Variants in DIAPH2 observed in about 807,000 individuals in gnomAD.
The protein encoded by DIAPH2 is diaphanous related formin 2.
DIAPH2 carries 35 observed loss-of-function variants against 92.7 expected under a neutral mutation model. That is an observed-to-expected ratio of 0.38 (90% CI 0.29 to 0.50). The LOEUF is 0.50. Ranked by LOEUF, DIAPH2 falls within the 20% of genes least tolerant of loss-of-function variation. DIAPH2 has a pLI of 0.94. For synonymous variants in DIAPH2, 301 were observed against 280.4 expected (o/e 1.07, Z -0.73); for missense variants, 701 against 819.5 (o/e 0.86, Z 1.77).
chrX:97,260,438 G>A (rs779816185), intron 23 of DIAPH2, among the ~76,000 whole-genome samples: 16 of 112,256 alleles, frequency 1.4e-4, no homozygotes, highest in South Asian at 3.7e-4. Flanking sequence ...TGAAAGATGA[G>A]TAAGAATTAA....
At chrX:96,770,267 C>T (rs190923268) in intron 4 of DIAPH2, among the ~76,000 whole-genome samples, 1 of 110,426 alleles carries the variant, frequency 9.1e-6, no homozygotes, top group East Asian at 2.8e-4. Context: ...CTATGTATTA[C>T]TTACTATAAG....
intron 25 of DIAPH2, among the ~76,000 whole-genome samples, chrX:97,415,401 C>G (rs1480346993): frequency 8.9e-6 from 1 of 111,878 alleles, no homozygotes; most frequent in Non-Finnish European, 1.9e-5. Context: ...GACACATGCA[C>G]ACGTTTGTTT....
intron 22 of DIAPH2, among the ~76,000 whole-genome samples, chrX:97,167,200 G>A (rs2147447501): frequency 9.4e-6 from 1 of 106,729 alleles, no homozygotes; most frequent in Admixed American, 1.0e-4. Flanking sequence ...ATGCAAATAT[G>A]CAAGAGTTTC....
At chrX:96,763,635 G>C (rs759243379) in intron 4 of DIAPH2, among the ~76,000 whole-genome samples, 16 of 111,461 alleles carry the variant, frequency 1.4e-4, no homozygotes, top group Non-Finnish European at 2.8e-4. Flanking sequence ...TTTCTCTGGG[G>C]CTCAATTATT....
At chrX:96,753,437 CA>C (rs1209902126) in intron 3 of DIAPH2, among the ~76,000 whole-genome samples, 1 of 111,618 alleles carries the variant, frequency 9.0e-6, no homozygotes, top group Non-Finnish European at 1.9e-5. Flanking sequence ...TGTTAAACCA[CA>C]GAGTATTTGA....
intron 5 of DIAPH2, among the ~76,000 whole-genome samples, chrX:96,888,570 GATA>G (rs2065282323): frequency 2.5e-5 from 1 of 39,563 alleles, no homozygotes; most frequent in Non-Finnish European, 3.9e-5. Flanking sequence ...TATATACACA[GATA>G]TATATATCTA....
chrX:97,485,592 T>G (rs1487996936), intron 26 of DIAPH2, among the ~76,000 whole-genome samples: 1 of 113,218 alleles, frequency 8.8e-6, no homozygotes, highest in Admixed American at 9.3e-5. Context: ...TTCATTGTTG[T>G]GCCTTGCTGA....
intron 26 of DIAPH2, among the ~76,000 whole-genome samples, chrX:97,518,508 A>ATG (rs776992401): frequency 9.1e-6 from 1 of 109,333 alleles, no homozygotes; most frequent in East Asian, 2.9e-4. Flanking sequence ...ATGTGTGTGT[A>ATG]TGTGTGTATA....
chrX:96,856,735 A>G (rs973909600), intron 4 of DIAPH2, among the ~76,000 whole-genome samples: 5 of 110,607 alleles, frequency 4.5e-5, no homozygotes, highest in African/African-American at 6.6e-5. Flanking sequence ...AGGAAACCCA[A>G]GAAAAAAAAA....
intron 25 of DIAPH2, among the ~76,000 whole-genome samples, chrX:97,394,634 A>G (rs1016792008): frequency 8.9e-6 from 1 of 111,877 alleles, no homozygotes; most frequent in South Asian, 3.8e-4. Flanking sequence ...TGACTTTGTT[A>G]TTTTAATGAA....
At chrX:97,193,118 T>G (rs1251471906) in intron 22 of DIAPH2, among the ~76,000 whole-genome samples, 2 of 105,722 alleles carry the variant, frequency 1.9e-5, no homozygotes, top group African/African-American at 7.0e-5. Flanking sequence ...GCTCAAGCGA[T>G]TCTCCCACCT....
chrX:96,685,919 C>T (rs2080350864), intron 1 of DIAPH2, among the ~76,000 whole-genome samples: 1 of 112,093 alleles, frequency 8.9e-6, no homozygotes, highest in South Asian at 3.7e-4. Flanking sequence ...TCTCACCGTG[C>T]TGATAGTGTG....
chrX:96,689,578 C>T (rs1393598587), intron 1 of DIAPH2, among the ~76,000 whole-genome samples: 1 of 109,995 alleles, frequency 9.1e-6, no homozygotes, highest in Non-Finnish European at 1.9e-5. Flanking sequence ...CTTGCCTCTC[C>T]TTAGTACCAC....
At chrX:96,733,093 A>G (rs1256804457) in intron 1 of DIAPH2, among the ~76,000 whole-genome samples, 1 of 111,939 alleles carries the variant, frequency 8.9e-6, no homozygotes, top group African/African-American at 3.2e-5. Context: ...TTGAGCCTCA[A>G]TGTGCCAAAC....
intron 26 of DIAPH2, among the ~76,000 whole-genome samples, chrX:97,479,335 C>T (rs1308442592): frequency 9.0e-6 from 1 of 111,523 alleles, no homozygotes; most frequent in Non-Finnish European, 1.9e-5. Context: ...TTGAGTTAAG[C>T]CCATGCCCCA....
intron 25 of DIAPH2, among the ~76,000 whole-genome samples, chrX:97,422,008 T>C (rs73552480): frequency 0.02 from 2,209 of 111,902 alleles, 60 homozygotes; most frequent in African/African-American, 0.068. Flanking sequence ...AATTATGTGA[T>C]ATAAATAGAC....
intron 24 of DIAPH2, among the ~76,000 whole-genome samples, chrX:97,366,848 TC>T (rs1451241223): frequency 8.9e-6 from 1 of 111,769 alleles, no homozygotes; most frequent in Admixed American, 9.5e-5. Flanking sequence ...ATTTAAAATT[TC>T]TTAAGTATAT....
At chrX:96,922,543 C>T (rs2065552876) in intron 9 of DIAPH2, among the ~76,000 whole-genome samples, 1 of 111,517 alleles carries the variant, frequency 9.0e-6, no homozygotes, top group South Asian at 3.7e-4. Context: ...CCAGACAATA[C>T]CCTACACTAT....
chrX:96,957,747 C>T lies in DIAPH2; in HGVS notation c.1615-81C>T, dbSNP rs905042714. ...CTTAAAACATAAGATAAATAAACTA[C>T]AAATATCTATTGATATATATTTCTT... is the stretch of plus-strand genomic sequence containing the variant. On this transcript the variant is annotated intron_variant, in intron 15 of 26. Transcript: ENST00000324765. The T allele has an allele frequency of 1.4e-5, 10 of 693,818 alleles. No homozygotes were observed. In the Admixed American group the frequency reaches 1.5e-4, roughly 10 times the overall value. The allele number at this position is 693,818 out of a possible 1,213,427, so 57.2% of individuals were successfully genotyped here.
Sources: gnomAD v4.1 joint callset for allele counts (sites outside exome capture counted in the v4.1 genomes callset) on GRCh38, gnomAD v4.1.1 for gene constraint, MANE v1.5 for transcripts, NCBI Gene and HGNC (gene_info 2026-07-23, HGNC 2026-07-21) for gene names.